TRIML2: variants seen among roughly 807,000 people sequenced by gnomAD.
The protein encoded by TRIML2 is probable E3 ubiquitin-protein ligase TRIML2.
Under a neutral mutation model 31.2 loss-of-function variants are expected in TRIML2, and 28 were observed. That is an observed-to-expected ratio of 0.90 (90% CI 0.66 to 1.23). TRIML2 has a LOEUF of 1.23. TRIML2 is among the 50% of genes most tolerant of loss of function. The pLI is 0.00. For synonymous variants in TRIML2, 187 were observed against 197.5 expected (o/e 0.95, Z 0.45); for missense variants, 536 against 528.3 (o/e 1.01, Z -0.14).
intron 1 of TRIML2, among the ~76,000 whole-genome samples, chr4:188,106,332 T>G (rs1314475942): frequency 6.6e-6 from 1 of 152,150 alleles, no homozygotes; most frequent in Non-Finnish European, 1.5e-5. Context: ...ATTCCAGGCG[T>G]GAGCCACCGC....
chr4:188,096,927 G>T, intron 7 of TRIML2, 134 bp downstream of exon 7: 1 of 688,024 alleles, frequency 1.5e-6, no homozygotes, highest in East Asian at 2.6e-5. Context: ...AAAGTGCTGG[G>T]ATTACAGGAG....
chr4:188,099,348 T>G (rs1402823486), intron 4 of TRIML2, among the ~76,000 whole-genome samples, 173 bp from the exon 5 acceptor site: 2 of 152,134 alleles, frequency 1.3e-5, no homozygotes, highest in Non-Finnish European at 2.9e-5. Context: ...CGGCGGATCA[T>G]GAGGTCAGGG....
intron 3 of TRIML2, among the ~76,000 whole-genome samples, chr4:188,102,012 C>A (rs1348147792): frequency 6.6e-6 from 1 of 151,268 alleles, no homozygotes; most frequent in Non-Finnish European, 1.5e-5. Context: ...CGCCTGTAGT[C>A]CCAGCTACTC....
At chr4:188,107,615 C>G (rs1180396510) in intron 1 of TRIML2, among the ~76,000 whole-genome samples, 1 of 152,188 alleles carries the variant, frequency 6.6e-6, no homozygotes, top group Non-Finnish European at 1.5e-5. Flanking sequence ...GGATCATTGC[C>G]CACTGGCTGG....
At chr4:188,106,801 A>C (rs1347989326) in intron 1 of TRIML2, 1 of 241,942 alleles carries the variant, frequency 4.1e-6, no homozygotes, top group Admixed American at 4.3e-5. Context: ...GTGACAGGTC[A>C]GACTCTTGCT....
Position 188,104,930 on chromosome 4 carries a change from C to T in TRIML2, c.192G>A (p.Lys64=), listed in dbSNP as rs529693724. 1.2e-6 allele frequency: 2 copies of T among 1,612,774 alleles called. No individual in the cohort carries two copies. Among genetic ancestry groups the T allele is most frequent in the Admixed American group, 1.7e-5 (1 of 60,002 alleles). ...ATGTGTTCAATATTTCCTGGAATAA[C>T]TTCTATAGAGAAAGCACAGAATTCC... ...GIQEAAENYR[K]LFQEILNTSR... is the part of the protein sequence containing the mutation. The change falls in exon 3 of 8, where the codon AAG becomes AAA. Residue 64 remains lysine, a splice_region_variant and synonymous_variant. Coordinates refer to ENST00000682553, the MANE Select transcript of TRIML2 (RefSeq NM_173553.4).
At chr4:188,106,488 G>GCCCTCGCT (rs1345321331) in intron 1 of TRIML2, 1 of 150,172 alleles carries the variant, frequency 6.7e-6, no homozygotes, top group Non-Finnish European at 1.5e-5. Flanking sequence ...GGCCGTGAGC[G>GCCCTCGCT]CCCTCGCTCC....
Position 188,091,609 on chromosome 4 carries a change from T to C in TRIML2, c.1078A>G (p.Arg360Gly). 6.2e-7 allele frequency: 1 copy of C among 1,614,082 alleles called. No homozygotes were observed. The highest frequency in any genetic ancestry group is 8.5e-7 in the Non-Finnish European group (1 of 1,179,988). ...TCCAACTTCTTTTCCAGGAAGAGCCTTTTCAGAGGGGGGAAGACCCAGAGA... is the reference window on the plus strand; with the variant it reads ...TCCAACTTCTTTTCCAGGAAGAGCCCTTTCAGAGGGGGGAAGACCCAGAGA... The part of the protein sequence containing the change: ...WTLWVFPPLK[R>G]LFLEKKLDTV... Residue 360 changes from arginine to glycine, a missense_variant, in exon 8 of 8, where the codon AGG (arginine) becomes GGG (glycine). Coordinates refer to ENST00000682553, the MANE Select transcript of TRIML2 (RefSeq NM_173553.4).
intron 7 of TRIML2, among the ~76,000 whole-genome samples, chr4:188,094,983 T>A (rs1733440912): frequency 1.3e-5 from 2 of 152,180 alleles, no homozygotes. Context: ...CATATACCAG[T>A]TGATTTTCAA....
Position 188,101,134 on chromosome 4 carries a change from C to T in TRIML2, c.402G>A (p.Leu134=). ...LQRQQECISD[L]NLRETLLNQA... ...GATTCAGAAGGGTTTCTCTCAGGTT[C>T]AAGTCAGATATGCATTCCTGCTGTC... Residue 134 remains leucine, a synonymous_variant, in exon 4 of 8, where the codon TTG becomes TTA. Transcript: ENST00000682553. 1 of 1,613,874 alleles carries T rather than the reference C, an allele frequency of 6.2e-7. No individual in the cohort carries two copies. Among genetic ancestry groups the T allele is most frequent in the Non-Finnish European group, 8.5e-7 (1 of 1,179,946 alleles).
chr4:188,096,528 C>CAAAAAAAAAAAAAA (rs10607852), intron 7 of TRIML2, among the ~76,000 whole-genome samples: 1 of 39,268 alleles, frequency 2.5e-5, no homozygotes, highest in Non-Finnish European at 4.9e-5. Context: ...AACTCTGTCT[C>CAAAAAAAAAAAAAA]AAAAAAAAAA....
intron 7 of TRIML2, among the ~76,000 whole-genome samples, chr4:188,095,441 T>G (rs778839379): frequency 6.6e-6 from 1 of 152,042 alleles, no homozygotes; most frequent in Non-Finnish European, 1.5e-5. Flanking sequence ...TACAACCCAA[T>G]TTAGAAAAGG....
At chr4:188,096,085 T>A (rs1427592160) in intron 7 of TRIML2, among the ~76,000 whole-genome samples, 1 of 152,194 alleles carries the variant, frequency 6.6e-6, no homozygotes, top group East Asian at 1.9e-4. Flanking sequence ...TGCAATCATG[T>A]TTCATGGCTG....
intron 5 of TRIML2, among the ~76,000 whole-genome samples, chr4:188,097,706 G>C (rs2111166178): frequency 6.6e-6 from 1 of 152,284 alleles, no homozygotes. Flanking sequence ...GAGCCAGGCA[G>C]AGCCACACCT....
intron 7 of TRIML2, among the ~76,000 whole-genome samples, chr4:188,095,281 ACTT>A (rs1371903030): frequency 1.3e-5 from 2 of 152,226 alleles, no homozygotes; most frequent in African/African-American, 4.8e-5. Context: ...GATAAATTGA[ACTT>A]CATCAAAATG....
At chr4:188,107,733 G>A (rs908251091) in intron 1 of TRIML2, among the ~76,000 whole-genome samples, 1 of 152,112 alleles carries the variant, frequency 6.6e-6, no homozygotes. Flanking sequence ...TTCTTTTGCT[G>A]TGAAGTCTAT....
chr4:188,101,359 T>C (rs1309257815), intron 3 of TRIML2, 109 bp from the exon 4 acceptor site: 7 of 549,454 alleles, frequency 1.3e-5, no homozygotes, highest in Non-Finnish European at 2.1e-5. Context: ...ATATATATCT[T>C]ACACTGACCA....
chr4:188,106,054 C>CTT (rs35483900), intron 1 of TRIML2: 13 of 145,558 alleles, frequency 8.9e-5, no homozygotes, highest in Non-Finnish European at 1.7e-4. Flanking sequence ...AACAGCTCCT[C>CTT]TTTTTTTTTT....
intron 3 of TRIML2, among the ~76,000 whole-genome samples, chr4:188,102,319 T>C (rs1233897572): frequency 6.6e-6 from 1 of 151,940 alleles, no homozygotes; most frequent in Admixed American, 6.6e-5. Context: ...ACTAAGCAAC[T>C]GGAAGAATGG....
Sources: gnomAD v4.1 joint callset for allele counts (sites outside exome capture counted in the v4.1 genomes callset) on GRCh38, gnomAD v4.1.1 for gene constraint, MANE v1.5 for transcripts, NCBI Gene and HGNC (gene_info 2026-07-23, HGNC 2026-07-21) for gene names.